Variants in CDH12 observed in about 807,000 individuals in gnomAD.
CDH12 encodes the protein cadherin-12.
Under a neutral mutation model 74.1 loss-of-function variants are expected in CDH12, and 41 were observed. The observed-to-expected ratio is 0.55, with a 90% confidence interval of 0.43 to 0.72. The LOEUF (loss-of-function observed/expected upper bound fraction) is 0.72. Among genes scored for constraint, CDH12 ranks in the 30% least tolerant of loss-of-function variants. The pLI, the probability that CDH12 is intolerant of heterozygous loss-of-function variation, is 0.00. For missense variants in CDH12, 945 were observed against 977.2 expected (o/e 0.97, Z 0.44); for synonymous variants, 399 against 355.0 (o/e 1.12, Z -1.39).
chr5:22,189,023 T>C (rs1050061101), intron 4 of CDH12, among the ~76,000 whole-genome samples: 24 of 152,308 alleles, frequency 1.6e-4, no homozygotes, highest in Middle Eastern at 3.4e-3. Flanking sequence ...CCAAACTCTT[T>C]TAATTTTCTT....
At chr5:22,690,563 C>G (rs1188461274) in intron 1 of CDH12, among the ~76,000 whole-genome samples, 1 of 151,960 alleles carries the variant, frequency 6.6e-6, no homozygotes, top group African/African-American at 2.4e-5. Flanking sequence ...TATATAAAGT[C>G]AAGGAGAGAA....
intron 3 of CDH12, among the ~76,000 whole-genome samples, chr5:22,213,027 C>T (rs1460819636): frequency 6.6e-6 from 1 of 152,042 alleles, no homozygotes; most frequent in African/African-American, 2.4e-5. Flanking sequence ...AAGGTGCCTT[C>T]GTGTAAGATA....
chr5:21,878,736 A>G (rs890512270), intron 6 of CDH12, among the ~76,000 whole-genome samples: 1 of 151,440 alleles, frequency 6.6e-6, no homozygotes, highest in Non-Finnish European at 1.5e-5. Context: ...CTTGGATGAC[A>G]GTAAGAGACC....
chr5:22,676,019 CA>C (rs1741171443), intron 1 of CDH12, among the ~76,000 whole-genome samples: 1 of 151,084 alleles, frequency 6.6e-6, no homozygotes, highest in African/African-American at 2.4e-5. Flanking sequence ...TATAGGATAT[CA>C]AAAGCACTGA....
chr5:21,794,350 T>G (rs1378202818), intron 10 of CDH12, among the ~76,000 whole-genome samples: 1 of 151,890 alleles, frequency 6.6e-6, no homozygotes, highest in African/African-American at 2.4e-5. Context: ...TAATACAAGC[T>G]AAATACCATC....
intron 1 of CDH12, among the ~76,000 whole-genome samples, chr5:22,610,028 G>C (rs1737315694): frequency 6.6e-6 from 1 of 152,150 alleles, no homozygotes; most frequent in Admixed American, 6.5e-5. Flanking sequence ...CTTCTGCCTG[G>C]GCAAATTGCT....
chr5:22,165,797 C>T (rs764511060), intron 4 of CDH12, among the ~76,000 whole-genome samples: 132 of 152,250 alleles, frequency 8.7e-4, no homozygotes, highest in Non-Finnish European at 1.6e-3. Flanking sequence ...ACCAAGATGG[C>T]GAGGAGAGTG....
chr5:22,067,786 C>G (rs1182058882), intron 5 of CDH12, among the ~76,000 whole-genome samples: 2 of 152,036 alleles, frequency 1.3e-5, no homozygotes, highest in Non-Finnish European at 2.9e-5. Context: ...ACAATGGAGC[C>G]TGACCAACAT....
chr5:22,842,312 A>G (rs1161742585), intron 1 of CDH12, among the ~76,000 whole-genome samples: 6 of 152,200 alleles, frequency 3.9e-5, no homozygotes, highest in Non-Finnish European at 8.8e-5. Context: ...CAGCTAAAAA[A>G]AAACTGTATG....
chr5:21,882,476 A>G (rs770130390), intron 6 of CDH12: 10 of 679,418 alleles, frequency 1.5e-5, no homozygotes, highest in Non-Finnish European at 2.7e-5. Flanking sequence ...CATTTATAGT[A>G]CAACTGCCAC....
At chr5:22,125,262 TC>T (rs36026863) in intron 4 of CDH12, among the ~76,000 whole-genome samples, 1 of 151,956 alleles carries the variant, frequency 6.6e-6, no homozygotes, top group African/African-American at 2.4e-5. Context: ...CCTCCCCTTG[TC>T]CCCCACTCCC....
At chr5:22,008,630 G>GACTT (rs2150150514) in intron 5 of CDH12, among the ~76,000 whole-genome samples, 1 of 152,308 alleles carries the variant, frequency 6.6e-6, no homozygotes, top group East Asian at 1.9e-4. Context: ...TTTGCTCAGA[G>GACTT]ACTTCCCTCT....
At chr5:22,552,465 G>A (rs1219718147) in intron 1 of CDH12, among the ~76,000 whole-genome samples, 1 of 147,518 alleles carries the variant, frequency 6.8e-6, no homozygotes, top group African/African-American at 2.5e-5. Flanking sequence ...TTTTCACTCT[G>A]TTGCCCAGGC....
intron 1 of CDH12, among the ~76,000 whole-genome samples, chr5:22,534,799 AT>A (rs34165122): frequency 0.17 from 25,398 of 148,398 alleles, 2,677 homozygotes; most frequent in East Asian, 0.37. Flanking sequence ...AAGTTTTGAG[AT>A]TTTTTTTTTT....
intron 3 of CDH12, among the ~76,000 whole-genome samples, chr5:22,398,185 A>G (rs781564070): frequency 2.8e-4 from 43 of 152,094 alleles, no homozygotes; most frequent in Non-Finnish European, 5.1e-4. Flanking sequence ...TAATATGGCA[A>G]ATTGCTGGGT....
chr5:22,041,002 G>C (rs1457316751), intron 5 of CDH12, among the ~76,000 whole-genome samples: 1 of 151,872 alleles, frequency 6.6e-6, no homozygotes, highest in Non-Finnish European at 1.5e-5. Context: ...AATAGCAATA[G>C]CTACAATAAC....
chr5:22,335,978 G>A (rs1739564697), intron 3 of CDH12, among the ~76,000 whole-genome samples: 1 of 152,094 alleles, frequency 6.6e-6, no homozygotes, highest in Non-Finnish European at 1.5e-5. Context: ...TTACTGAATG[G>A]CTTTGACCAA....
chr5:21,892,709 TA>T lies in CDH12; in HGVS notation c.527-37920del, dbSNP rs1167260454. On this transcript the variant is annotated intron_variant, in intron 6 of 14. Transcript: ENST00000382254. Reference sequence around the variant, plus strand: ...ATACTAAATCTTTTGGAAAATAATTTAAAAAATGGTTCACAAGGATATGACC... The same window carrying T: ...ATACTAAATCTTTTGGAAAATAATTTAAAAATGGTTCACAAGGATATGACC... Among the ~76,000 whole-genome samples the T allele has an allele frequency of 3.9e-5, 6 of 152,170 alleles. No individual in the cohort carries two copies. The East Asian group carries it at 1.2e-3, about 29-fold the overall frequency.
chr5:22,687,562 C>A (rs112373025), intron 1 of CDH12, among the ~76,000 whole-genome samples: 2 of 151,832 alleles, frequency 1.3e-5, no homozygotes, highest in African/African-American at 4.8e-5. Context: ...CACAAGCCAC[C>A]AATGCCCAGG....
Sources: allele counts gnomAD v4.1 joint callset (sites outside exome capture counted in the v4.1 genomes callset), GRCh38; gene constraint gnomAD v4.1.1; transcripts MANE v1.5; gene names NCBI Gene and HGNC (gene_info 2026-07-23, HGNC 2026-07-21).